DIXDC1: variants seen among roughly 807,000 people sequenced by gnomAD.
DIXDC1 encodes the protein dixin.
DIXDC1 carries 64 observed loss-of-function variants against 103.1 expected under a neutral mutation model. That is an observed-to-expected ratio of 0.62 (90% confidence interval 0.51 to 0.76). The LOEUF (loss-of-function observed/expected upper bound fraction) is 0.76, where lower values mean the gene tolerates loss of function less well. DIXDC1 is among the 30% of genes least tolerant of loss of function. DIXDC1 has a pLI of 0.00. For missense variants in DIXDC1, 759 were observed against 834.2 expected (o/e 0.91, Z 1.11); for synonymous variants, 266 against 298.5 (o/e 0.89, Z 1.12).
rs1592564349 is a variant in DIXDC1, at chr11:111,958,282, A to G, written c.61-6267A>G. On this transcript the variant is annotated intron_variant, in intron 1 of 19. Transcript: ENST00000440460. This position sits in a 1 kb window ranked among gnomAD's most constrained non-coding sequence, Gnocchi z 4.2. The stretch of plus-strand genomic sequence containing the variant: ...GGGCCAGGAGCAGGCAGGAGCCCCA[A>G]CCCCTCAGGTATAGCTGCAGCTGCA... Among the ~76,000 whole-genome samples the G allele has an allele frequency of 6.6e-6, 1 of 150,916 alleles. No homozygotes were observed. The highest frequency in any genetic ancestry group is 1.5e-5 in the Non-Finnish European group (1 of 67,656).
chr11:112,002,229 A>G (rs1257072856), intron 17 of DIXDC1, among the ~76,000 whole-genome samples: 1 of 151,764 alleles, frequency 6.6e-6, no homozygotes, highest in East Asian at 1.9e-4. Flanking sequence ...AATGCCTTTT[A>G]TCAGAAAGAC....
chr11:111,956,197 G>C (rs587696808), intron 1 of DIXDC1, among the ~76,000 whole-genome samples: 11 of 152,286 alleles, frequency 7.2e-5, no homozygotes, highest in African/African-American at 2.6e-4. Context: ...ACCAAAAGTA[G>C]AATGGTGGTT....
chr11:111,958,245 C>T lies in DIXDC1; in HGVS notation c.61-6304C>T, dbSNP rs1859453140. 1.3e-5 allele frequency among the ~76,000 whole-genome samples: 2 copies of T among 152,100 alleles called. No individual in the cohort carries two copies. The highest frequency in any genetic ancestry group is 4.1e-4 in the South Asian group (2 of 4,828). ...AACCATGGCTGTGGACCAGGCATCCCTGTGCTCTTGGGGGCCAGGAGCAGG... is the reference window on the plus strand; with the variant it reads ...AACCATGGCTGTGGACCAGGCATCCTTGTGCTCTTGGGGGCCAGGAGCAGG... On this transcript the variant is annotated intron_variant, in intron 1 of 19. Coordinates refer to ENST00000440460, the MANE Select transcript of DIXDC1 (RefSeq NM_001037954.4). The surrounding 1 kb of genome is among the most constrained non-coding windows in gnomAD (Gnocchi z 4.2).
chr11:111,933,442 C>CT (rs587736040), upstream of DIXDC1, among the ~76,000 whole-genome samples: 35 of 151,934 alleles, frequency 2.3e-4, no homozygotes, highest in African/African-American at 8.2e-4. Flanking sequence ...GACCTTTTCT[C>CT]TTTTTTTGAG....
At chr11:111,975,994 T>C in intron 5 of DIXDC1, 1 of 802,604 alleles carries the variant, frequency 1.2e-6, no homozygotes, top group Non-Finnish European at 1.5e-6. Flanking sequence ...TTATAAAGTG[T>C]ACAATTCAGT....
intron 1 of DIXDC1, 49 bp downstream of exon 1, chr11:111,937,608 C>G (rs1224729791): frequency 1.9e-5 from 29 of 1,541,190 alleles, no homozygotes; most frequent in Non-Finnish European, 2.1e-5. Context: ...CCCAGCGTCT[C>G]CCGCCCAGTC....
intron 2 of DIXDC1, among the ~76,000 whole-genome samples, chr11:111,967,102 G>A (rs781904848): frequency 2.0e-5 from 3 of 151,590 alleles, no homozygotes; most frequent in Non-Finnish European, 2.9e-5. Context: ...CTCTAATCCC[G>A]GAGTGCTGCA....
Position 111,996,085 on chromosome 11 carries a change from G to A in DIXDC1, c.1695G>A (p.Arg565=), listed in dbSNP as rs1566553540. ...ETQKKQERKV[R]VKSPRTQVGS... is the part of the protein sequence containing the mutation. ...ATTTTTGTGTGGCTCCCCAGGTTCG[G>A]GTCAAGTCACCCAGAACTCAAGTAG... is the stretch of plus-strand genomic sequence containing the variant. Residue 565 remains arginine, a synonymous_variant, in exon 17 of 20, where the codon CGG becomes CGA. Transcript: ENST00000440460. 6.2e-7 allele frequency: 1 copy of A among 1,613,450 alleles called. No homozygotes were observed. The highest frequency in any genetic ancestry group is 1.1e-5 in the South Asian group (1 of 90,962).
intron 10 of DIXDC1, among the ~76,000 whole-genome samples, chr11:111,991,291 A>G (rs1440085785): frequency 6.6e-6 from 1 of 152,248 alleles, no homozygotes; most frequent in Non-Finnish European, 1.5e-5. Flanking sequence ...AAGGTCTGTC[A>G]TAAAGAGGTT....
chr11:111,995,341 T>A, intron 15 of DIXDC1, 62 bp from the exon 16 acceptor site: 1 of 1,595,524 alleles, frequency 6.3e-7, no homozygotes, highest in Non-Finnish European at 8.5e-7. Flanking sequence ...TATATCCTTT[T>A]AAGCCCAGTG....
At chr11:112,003,176 G>A (rs1555176176) in intron 17 of DIXDC1, among the ~76,000 whole-genome samples, 3 of 152,190 alleles carry the variant, frequency 2.0e-5, no homozygotes, top group Admixed American at 6.5e-5. Flanking sequence ...TTGATAAGAA[G>A]TAGGGTGACT....
chr11:111,935,900 G>T (rs1449627764), upstream of DIXDC1, among the ~76,000 whole-genome samples: 1 of 152,204 alleles, frequency 6.6e-6, no homozygotes, highest in African/African-American at 2.4e-5. Context: ...CCCCCTGCCT[G>T]TTGTGGTCAG....
At chr11:111,959,966 C>A (rs936716317) in intron 1 of DIXDC1, among the ~76,000 whole-genome samples, 72 of 151,966 alleles carry the variant, frequency 4.7e-4, no homozygotes, top group Non-Finnish European at 9.6e-4. Context: ...CTGGAGTGCA[C>A]TGGCGCAATC....
chr11:111,985,284 C>T lies in DIXDC1; in HGVS notation c.971C>T (p.Ala324Val). ...LPEDEQERPL[A>V]LCEPGVNPEE... ...GAAGATGAACAGGAGAGGCCCTTGGCCCTCTGTGAACCAGGTGTCAATCCC... is the reference window on the plus strand; with the variant it reads ...GAAGATGAACAGGAGAGGCCCTTGGTCCTCTGTGAACCAGGTGTCAATCCC... Residue 324 changes from alanine (A) to valine (V), a missense_variant, in exon 8 of 20, where the codon GCC (alanine) becomes GTC (valine). Transcript: ENST00000440460. 1.2e-6 allele frequency: 2 copies of T among 1,613,598 alleles called. No individual in the cohort carries two copies. Among genetic ancestry groups the T allele is most frequent in the Non-Finnish European group, 1.7e-6 (2 of 1,179,752 alleles).
chr11:111,975,483 A>G (rs888755726), intron 5 of DIXDC1: 6 of 994,418 alleles, frequency 6.0e-6, no homozygotes, highest in Non-Finnish European at 7.2e-6. Context: ...GTTTGAGCAA[A>G]CTAATGATGT....
chr11:111,949,431 C>A (rs1273940039), intron 1 of DIXDC1, among the ~76,000 whole-genome samples: 1 of 152,182 alleles, frequency 6.6e-6, no homozygotes, highest in Non-Finnish European at 1.5e-5. Flanking sequence ...CTCTTTTTGT[C>A]GCTCCCTACA....
chr11:112,010,064 T>A (rs892429485), intron 17 of DIXDC1, among the ~76,000 whole-genome samples: 2 of 122,474 alleles, frequency 1.6e-5, no homozygotes, highest in African/African-American at 8.5e-5. Flanking sequence ...GAAAACCCCA[T>A]CATCTCAGCC....
chr11:112,003,486 G>A (rs999396186), intron 17 of DIXDC1, among the ~76,000 whole-genome samples: 4 of 151,634 alleles, frequency 2.6e-5, no homozygotes, highest in Non-Finnish European at 5.9e-5. Flanking sequence ...GAAGAATTGG[G>A]ATGTTTTAAC....
chr11:111,937,135 G>GGGC, upstream of DIXDC1: 1 of 723,096 alleles, frequency 1.4e-6, no homozygotes, highest in Non-Finnish European at 1.7e-6. Context: ...CCCGGGCGGG[G>GGGC]GGGGGGTGTG....
Sources: allele counts gnomAD v4.1 joint callset (sites outside exome capture counted in the v4.1 genomes callset), GRCh38; gene constraint gnomAD v4.1.1; non-coding constraint Gnocchi (gnomAD v3.1); transcripts MANE v1.5; gene names NCBI Gene and HGNC (gene_info 2026-07-23, HGNC 2026-07-21).